PRTFDC1: variants seen among roughly 807,000 people sequenced by gnomAD.
PRTFDC1 encodes phosphoribosyltransferase domain-containing protein 1.
PRTFDC1 carries 38 observed loss-of-function variants against 34.6 expected under a neutral mutation model. That is an observed-to-expected ratio of 1.10 (90% confidence interval 0.85 to 1.44). The LOEUF (loss-of-function observed/expected upper bound fraction) is 1.44. PRTFDC1 is among the 40% of genes most tolerant of loss of function. The pLI, the probability that PRTFDC1 is intolerant of heterozygous loss-of-function variation, is 0.00. For synonymous variants in PRTFDC1, 93 were observed against 98.1 expected (o/e 0.95, Z 0.31); for missense variants, 270 against 283.0 (o/e 0.95, Z 0.33).
At position 24,929,052 on chromosome 10, in the gene PRTFDC1, A is replaced by AGAAAG. The variant is rs1554765608; in HGVS notation, c.339+8131_339+8132insCTTTC. On this transcript the variant is annotated intron_variant, in intron 3 of 8. Coordinates refer to ENST00000320152, the MANE Select transcript of PRTFDC1 (RefSeq NM_020200.7). ...GCAGACTCCGTCTCAAAAAAAAAAAAAAAGAAAGAAAGAAAGAAAGAAAGG... is the reference window on the plus strand; with the variant it reads ...GCAGACTCCGTCTCAAAAAAAAAAAAGAAAGAAAGAAAGAAAGAAAGAAAGAAAGG... Among the ~76,000 whole-genome samples the AGAAAG allele has an allele frequency of 4.4e-4, 51 of 116,538 alleles. 1 individual carries two copies. The highest frequency in any genetic ancestry group is 7.6e-4 in the Non-Finnish European group (45 of 59,106). The allele number at this position is 116,538 out of a possible 152,430, so 76.5% of individuals were successfully genotyped here. A position where few individuals can be genotyped will look rare whatever the true frequency, so the allele number is the denominator to read the frequency against.
intron 3 of PRTFDC1, among the ~76,000 whole-genome samples, chr10:24,873,286 A>C (rs193158927): frequency 1.3e-3 from 193 of 152,310 alleles, no homozygotes; most frequent in Non-Finnish European, 2.2e-3. Flanking sequence ...ATCATGATAG[A>C]ATGACACAGA....
chr10:24,872,149 G>T, intron 3 of PRTFDC1, 86 bp from the exon 4 acceptor site: 1 of 1,119,984 alleles, frequency 8.9e-7, no homozygotes, highest in Non-Finnish European at 1.3e-6. Context: ...CCAGTTAGTG[G>T]CCGGAATGTG....
intron 3 of PRTFDC1, among the ~76,000 whole-genome samples, chr10:24,892,897 C>A (rs1848289270): frequency 6.6e-6 from 1 of 152,124 alleles, no homozygotes; most frequent in Non-Finnish European, 1.5e-5. Flanking sequence ...TTTAAACCCG[C>A]CACATAAAAT....
chr10:24,887,307 A>T (rs564675358), intron 3 of PRTFDC1, among the ~76,000 whole-genome samples: 2 of 152,050 alleles, frequency 1.3e-5, no homozygotes, highest in Non-Finnish European at 2.9e-5. Flanking sequence ...CCATGTCCCC[A>T]CTCAAATCTC....
chr10:24,952,177 C>A lies in PRTFDC1; in HGVS notation c.48+351G>T, dbSNP rs1849355672. 6.6e-6 allele frequency among the ~76,000 whole-genome samples: 1 copy of A among 152,236 alleles called. No individual in the cohort carries two copies. Among genetic ancestry groups the A allele is most frequent in the Non-Finnish European group, 1.5e-5 (1 of 68,048 alleles). Reference sequence around the variant, plus strand: ...CCCAGGAAGAAGGAGGCCTCCAGAGCAGCACGCGGGGGTCTCTGGGGCCCT... The same window carrying A: ...CCCAGGAAGAAGGAGGCCTCCAGAGAAGCACGCGGGGGTCTCTGGGGCCCT... On this transcript the variant is annotated intron_variant, in intron 1 of 8. Transcript: ENST00000320152. The surrounding 1 kb of genome is among the most constrained non-coding windows in gnomAD (Gnocchi z 5.1).
intron 3 of PRTFDC1, among the ~76,000 whole-genome samples, chr10:24,918,715 C>A (rs1283183782): frequency 6.6e-6 from 1 of 152,148 alleles, no homozygotes; most frequent in Non-Finnish European, 1.5e-5. Flanking sequence ...ATGCCTGGTC[C>A]AATCTGTCCT....
At chr10:24,930,463 T>G (rs990953645) in intron 3 of PRTFDC1, among the ~76,000 whole-genome samples, 3 of 152,244 alleles carry the variant, frequency 2.0e-5, no homozygotes, top group Non-Finnish European at 4.4e-5. Context: ...TATTTATGGA[T>G]ATTGTCATTC....
chr10:24,856,360 GC>G (rs113660944), intron 6 of PRTFDC1, among the ~76,000 whole-genome samples: 1 of 151,088 alleles, frequency 6.6e-6, no homozygotes, highest in African/African-American at 2.4e-5. Flanking sequence ...GCTGAGGCAG[GC>G]AGATCACTTG....
intron 3 of PRTFDC1, among the ~76,000 whole-genome samples, chr10:24,924,289 G>A (rs1848838104): frequency 2.0e-5 from 3 of 152,070 alleles, no homozygotes; most frequent in African/African-American, 7.2e-5. Flanking sequence ...TTCAAATTCA[G>A]GAAATACAGA....
chr10:24,884,129 G>C (rs926917263), intron 3 of PRTFDC1, among the ~76,000 whole-genome samples: 1 of 150,672 alleles, frequency 6.6e-6, no homozygotes, highest in African/African-American at 2.4e-5. Context: ...ACAGTGCCCG[G>C]CCAAGAGACG....
In PRTFDC1 at chr10:24,851,430, C is replaced by G. The variant is rs771758161; in HGVS notation, c.588G>C (p.Val196=). The G allele has an allele frequency of 6.2e-7, 1 of 1,612,238 alleles. No homozygotes were observed. Among genetic ancestry groups the G allele is most frequent in the Non-Finnish European group, 8.5e-7 (1 of 1,179,676 alleles). The part of the protein sequence containing the change: ...AGFEIPNLFV[V]GYALDYNEYF... ...ATTCATTGTAATCTAAGGCATATCC[C>G]ACCACAAATAAGTTTGGAATCTCAA... The change falls in exon 8 of 9, where the codon GTG becomes GTC. Residue 196 remains valine (V), a synonymous_variant. Transcript: ENST00000320152.
At chr10:24,890,343 C>G (rs1228674652) in intron 3 of PRTFDC1, among the ~76,000 whole-genome samples, 2 of 152,184 alleles carry the variant, frequency 1.3e-5, no homozygotes, top group Non-Finnish European at 2.9e-5. Flanking sequence ...GATCTAGGAA[C>G]AGCTCTTCAA....
chr10:24,927,211 A>G (rs989282258), intron 3 of PRTFDC1, among the ~76,000 whole-genome samples: 6 of 152,212 alleles, frequency 3.9e-5, no homozygotes, highest in African/African-American at 1.4e-4. Flanking sequence ...TGCCCTGCTG[A>G]AAGCCCATCA....
intron 3 of PRTFDC1, among the ~76,000 whole-genome samples, chr10:24,917,553 G>A (rs1356618241): frequency 6.6e-6 from 1 of 152,028 alleles, no homozygotes; most frequent in Non-Finnish European, 1.5e-5. Flanking sequence ...CTATTTTCTT[G>A]GGGTTCCTTT....
chr10:24,909,148 G>A (rs1330847271), intron 3 of PRTFDC1, among the ~76,000 whole-genome samples: 1 of 152,174 alleles, frequency 6.6e-6, no homozygotes, highest in Non-Finnish European at 1.5e-5. Flanking sequence ...AGGCGTGGTG[G>A]TGTGTGTCTA....
Position 24,858,416 on chromosome 10 carries a change from T to G in PRTFDC1, c.406-7A>C. The G allele has an allele frequency of 3.1e-6, 5 of 1,613,262 alleles. No homozygotes were observed. The highest frequency in any genetic ancestry group is 4.2e-6 in the Non-Finnish European group (5 of 1,179,342). The stretch of plus-strand genomic sequence containing the variant: ...CCTCAACAATGAGAACATTCTGAAA[T>G]AAACAAAACCCATATTTTAGAATGT... On this transcript the variant is annotated splice_region_variant and splice_polypyrimidine_tract_variant and intron_variant, in intron 4 of 8. Coordinates refer to ENST00000320152, the MANE Select transcript of PRTFDC1 (RefSeq NM_020200.7).
At chr10:24,940,778 C>T (rs763163607) in intron 2 of PRTFDC1, among the ~76,000 whole-genome samples, 14 of 152,162 alleles carry the variant, frequency 9.2e-5, no homozygotes, top group Admixed American at 3.9e-4. Flanking sequence ...AAAAATGGGA[C>T]ATCCAAATGT....
At chr10:24,885,844 A>T (rs1011711241) in intron 3 of PRTFDC1, among the ~76,000 whole-genome samples, 3 of 151,648 alleles carry the variant, frequency 2.0e-5, no homozygotes, top group African/African-American at 7.2e-5. Flanking sequence ...ATAAAAAGAC[A>T]TGAAGAAAAC....
At chr10:24,905,932 T>C (rs1848527595) in intron 3 of PRTFDC1, among the ~76,000 whole-genome samples, 1 of 152,142 alleles carries the variant, frequency 6.6e-6, no homozygotes, top group African/African-American at 2.4e-5. Flanking sequence ...TAACCATCCT[T>C]CTACTCTCTA....
Sources: gnomAD v4.1 joint callset for allele counts (sites outside exome capture counted in the v4.1 genomes callset) on GRCh38, gnomAD v4.1.1 for gene constraint, Gnocchi (gnomAD v3.1) non-coding constraint, MANE v1.5 for transcripts, NCBI Gene and HGNC (gene_info 2026-07-23, HGNC 2026-07-21) for gene names.